CTNND2: variants seen among roughly 807,000 people sequenced by gnomAD.
The protein encoded by CTNND2 is catenin delta-2.
In CTNND2, 22 loss-of-function variants were observed where a neutral mutation model predicts 144.4. The ratio of observed to expected loss-of-function variants is 0.15; its 90% CI spans 0.11 to 0.22. CTNND2 has a LOEUF of 0.22. Ranked by LOEUF, CTNND2 falls within the 10% of genes least tolerant of loss-of-function variation. The pLI is 1.00. For missense variants in CTNND2, 1,353 were observed against 1,618.8 expected (o/e 0.84, Z 2.82); for synonymous variants, 751 against 695.6 (o/e 1.08, Z -1.25).
At chr5:11,103,823 G>A (rs566692163) in intron 14 of CTNND2, among the ~76,000 whole-genome samples, 2 of 152,158 alleles carry the variant, frequency 1.3e-5, no homozygotes, top group South Asian at 4.2e-4. Context: ...CCTAATGAAT[G>A]AGAAGAATTA....
At chr5:11,398,377 A>T (rs1334432222) in intron 5 of CTNND2, among the ~76,000 whole-genome samples, 2 of 152,162 alleles carry the variant, frequency 1.3e-5, no homozygotes, top group African/African-American at 4.8e-5. Flanking sequence ...AAAATAATGC[A>T]TCCTCTTTTA....
At chr5:11,874,279 A>G (rs1735380841) in intron 1 of CTNND2, among the ~76,000 whole-genome samples, 1 of 152,176 alleles carries the variant, frequency 6.6e-6, no homozygotes, top group Non-Finnish European at 1.5e-5. Flanking sequence ...GAACTAGTAA[A>G]CATAAGATAG....
At chr5:10,989,640 C>A (rs1028486429) in intron 19 of CTNND2, among the ~76,000 whole-genome samples, 1 of 152,176 alleles carries the variant, frequency 6.6e-6, no homozygotes, top group African/African-American at 2.4e-5. Context: ...CCCAAGGCAC[C>A]TCTCATGTCA....
intron 2 of CTNND2, among the ~76,000 whole-genome samples, chr5:11,724,380 T>C (rs1786884054): frequency 6.6e-6 from 1 of 152,224 alleles, no homozygotes; most frequent in Non-Finnish European, 1.5e-5. Flanking sequence ...AGATGATTCA[T>C]TTGAAGAATA....
chr5:11,384,762 C>A lies in CTNND2; in HGVS notation c.1080G>T (p.Ser360=). 3.1e-6 allele frequency: 5 copies of A among 1,612,922 alleles called. No homozygotes were observed. The highest frequency in any genetic ancestry group is 4.2e-6 in the Non-Finnish European group (5 of 1,179,620). The change falls in exon 7 of 22, where the codon TCG becomes TCT. Residue 360 remains serine, a synonymous_variant. Coordinates refer to ENST00000304623, the MANE Select transcript of CTNND2 (RefSeq NM_001332.4). The surrounding 1 kb of genome is among the most constrained non-coding windows in gnomAD (Gnocchi z 5.2). ...ACGCGTGGACCAGGCGCTTGGTGGG[C>A]GACAGGGTGGCGTACGTGCCGATGG... ...SSTIGTYATL[S]PTKRLVHASE...
chr5:11,066,097 T>C (rs34901523), intron 16 of CTNND2, among the ~76,000 whole-genome samples: 11,444 of 151,530 alleles, frequency 0.076, 566 homozygotes, highest in Non-Finnish European at 0.1. Context: ...TGGAGTGCAG[T>C]GGTGTGATCT....
chr5:11,305,986 A>G (rs1453443285), intron 9 of CTNND2, among the ~76,000 whole-genome samples: 1 of 152,230 alleles, frequency 6.6e-6, no homozygotes, highest in African/African-American at 2.4e-5. Context: ...ATGGGACATG[A>G]GGGTAGGCAC....
chr5:11,170,416 T>C lies in CTNND2; in HGVS notation c.1976-10657A>G, dbSNP rs573181796. Among the ~76,000 whole-genome samples the C allele has an allele frequency of 1.9e-3, 289 of 152,378 alleles. 1 individual carries two copies. The highest frequency in any genetic ancestry group is 6.3e-3 in the African/African-American group (261 of 41,598). ...TAACTGACAGATACAATTGTATGTA[T>C]GTATCTTCATACAACATGATATTTT... On this transcript the variant is annotated intron_variant, in intron 11 of 21. Coordinates refer to ENST00000304623, the MANE Select transcript of CTNND2 (RefSeq NM_001332.4).
intron 9 of CTNND2, among the ~76,000 whole-genome samples, chr5:11,248,219 G>A (rs193257407): frequency 1.3e-5 from 2 of 152,228 alleles, no homozygotes; most frequent in East Asian, 3.9e-4. Context: ...AAGAACATTT[G>A]AGCAGTGTTT....
chr5:11,716,909 C>G (rs1288720594), intron 2 of CTNND2, among the ~76,000 whole-genome samples: 5 of 151,904 alleles, frequency 3.3e-5, no homozygotes, highest in Non-Finnish European at 7.4e-5. Context: ...CACTTTGCCA[C>G]CAGGCTGGAG....
chr5:11,229,278 A>G (rs1228224647), intron 10 of CTNND2, among the ~76,000 whole-genome samples: 1 of 152,226 alleles, frequency 6.6e-6, no homozygotes, highest in African/African-American at 2.4e-5. Context: ...AAGAAAATAC[A>G]TTTTCCAATT....
chr5:11,761,308 T>C (rs1036651187), intron 1 of CTNND2, among the ~76,000 whole-genome samples: 7 of 152,212 alleles, frequency 4.6e-5, no homozygotes, highest in East Asian at 3.9e-4. Flanking sequence ...CATCATCTTA[T>C]TGGAAAATCA....
chr5:10,990,400 C>A (rs1738536617), intron 19 of CTNND2, among the ~76,000 whole-genome samples: 1 of 152,228 alleles, frequency 6.6e-6, no homozygotes, highest in African/African-American at 2.4e-5. Context: ...CTGGGCTCTG[C>A]ATCCAGTTCC....
At position 11,115,252 on chromosome 5, in the gene CTNND2, G is replaced by C. The variant is rs61753333; in HGVS notation, c.2277+2198C>G. ...GAATCTGGTCATCTGACAGAAAGAA[G>C]ATGTTTGTGCCATGTTGGTTCTTGA... is the stretch of plus-strand genomic sequence containing the variant. On this transcript the variant is annotated intron_variant, in intron 13 of 21. Coordinates refer to ENST00000304623, the MANE Select transcript of CTNND2 (RefSeq NM_001332.4). Among the ~76,000 whole-genome samples the C allele has an allele frequency of 2.2e-3, 337 of 152,354 alleles. 4 individuals are homozygous for C. The highest frequency in any genetic ancestry group is 0.02 in the Middle Eastern group (6 of 294).
intron 1 of CTNND2, among the ~76,000 whole-genome samples, chr5:11,772,297 T>A (rs1789994494): frequency 6.6e-6 from 1 of 152,204 alleles, no homozygotes; most frequent in Admixed American, 6.5e-5. Context: ...TCGCATTAGA[T>A]CACAATTGCA....
At chr5:11,767,943 G>A (rs916036178) in intron 1 of CTNND2, among the ~76,000 whole-genome samples, 1 of 151,890 alleles carries the variant, frequency 6.6e-6, no homozygotes, top group Non-Finnish European at 1.5e-5. Context: ...TCTGCTAAGA[G>A]AATATTCCAA....
chr5:11,759,737 T>C (rs1789152600), intron 1 of CTNND2, among the ~76,000 whole-genome samples: 1 of 152,154 alleles, frequency 6.6e-6, no homozygotes, highest in African/African-American at 2.4e-5. Context: ...GTACGTACTA[T>C]GGACCAGGCA....
At chr5:11,769,162 G>C (rs1302787342) in intron 1 of CTNND2, among the ~76,000 whole-genome samples, 1 of 152,044 alleles carries the variant, frequency 6.6e-6, no homozygotes, top group Non-Finnish European at 1.5e-5. Flanking sequence ...CCAGTCCTGG[G>C]TCACTTTCGG....
chr5:11,352,126 C>T (rs7720078), intron 8 of CTNND2, among the ~76,000 whole-genome samples: 5,578 of 152,262 alleles, frequency 0.037, 331 homozygotes, highest in African/African-American at 0.13. Context: ...TAATTGCATA[C>T]ATTACTATCT....
Sources: allele counts gnomAD v4.1 joint callset (sites outside exome capture counted in the v4.1 genomes callset), GRCh38; gene constraint gnomAD v4.1.1; non-coding constraint Gnocchi (gnomAD v3.1); transcripts MANE v1.5; gene names NCBI Gene and HGNC (gene_info 2026-07-23, HGNC 2026-07-21).